Variants in GMEB2 observed in about 807,000 individuals in gnomAD.
GMEB2 encodes glucocorticoid modulatory element binding protein 2, also known as glucocorticoid modulatory element-binding protein 2.
GMEB2 carries 7 observed loss-of-function variants against 45.7 expected under a neutral mutation model. The observed-to-expected ratio is 0.15, with a 90% CI of 0.09 to 0.29. The LOEUF is 0.29. Ranked by LOEUF, GMEB2 falls within the 10% of genes least tolerant of loss-of-function variation. GMEB2 has a pLI of 1.00. For missense variants in GMEB2, 582 were observed against 739.2 expected, an observed-to-expected ratio of 0.79 and a Z score of 2.47; for synonymous variants, 322 against 323.6, an observed-to-expected ratio of 1.00 and a Z score of 0.05.
intron 4 of GMEB2, among the ~76,000 whole-genome samples, chr20:63,599,954 T>G (rs2083229765): frequency 6.6e-6 from 1 of 152,124 alleles, no homozygotes; most frequent in African/African-American, 2.4e-5. Flanking sequence ...ACAACTCGCA[T>G]CAGGAAATTA....
intron 2 of GMEB2, among the ~76,000 whole-genome samples, chr20:63,610,191 G>GT (rs1190412433): frequency 1.3e-5 from 2 of 152,238 alleles, no homozygotes; most frequent in Non-Finnish European, 2.9e-5. Context: ...ACTGTATGAT[G>GT]TGTGCACTTC....
chr20:63,605,011 G>C, intron 2 of GMEB2, 171 bp from the exon 3 acceptor site: 2 of 554,258 alleles, frequency 3.6e-6, no homozygotes, highest in South Asian at 3.8e-5. Context: ...AGCACTTTGG[G>C]AGGCTGAGGT....
chr20:63,626,683 A>AGGAGGCCGCT (rs1233130254), intron 1 of GMEB2, among the ~76,000 whole-genome samples: 2 of 150,934 alleles, frequency 1.3e-5, no homozygotes, highest in Non-Finnish European at 3.0e-5. Flanking sequence ...GGGTCCACCG[A>AGGAGGCCGCT]GGAGGCCGCT....
chr20:63,590,739 G>T lies in GMEB2; in HGVS notation c.953-10C>A. On this transcript the variant is annotated splice_polypyrimidine_tract_variant and intron_variant, in intron 9 of 9. Coordinates refer to ENST00000370077, the MANE Select transcript of GMEB2 (RefSeq NM_012384.5). ...CACTGCTGCTCCAGGGCTGCAGGGA[G>T]GTACAGATGGCATCACACAGGGGAC... 1 of 1,477,298 alleles carries T rather than the reference G, an allele frequency of 6.8e-7. No individual in the cohort carries two copies. Among genetic ancestry groups the T allele is most frequent in the Non-Finnish European group, 9.0e-7 (1 of 1,107,138 alleles). The allele number at this position is 1,477,298 out of a possible 1,614,324, so 91.5% of individuals were successfully genotyped here.
chr20:63,593,216 C>A lies in GMEB2; in HGVS notation c.620-134G>T, dbSNP rs143563749. The A allele has an allele frequency of 9.7e-4, 617 of 638,312 alleles. 3 individuals carry two copies. In the African/African-American group the frequency reaches 0.01, roughly 11 times the overall value. The allele number at this position is 638,312 out of a possible 1,614,324, so 39.5% of individuals were successfully genotyped here. ...TCACAAAACTGACAAACACAGGATA[C>A]GCACTAGTACAGCCAAAGTGTACCT... On this transcript the variant is annotated intron_variant, in intron 6 of 9. Coordinates refer to ENST00000370077, the MANE Select transcript of GMEB2 (RefSeq NM_012384.5). The surrounding 1 kb of genome is among the most constrained non-coding windows in gnomAD (Gnocchi z 4.7).
intron 1 of GMEB2, among the ~76,000 whole-genome samples, chr20:63,620,988 A>G (rs915596216): frequency 5.9e-5 from 9 of 152,214 alleles, no homozygotes; most frequent in African/African-American, 1.9e-4. Flanking sequence ...AAGTGGAAAG[A>G]AAATCTTGGT....
At chr20:63,595,137 T>C (rs2083183606) in intron 6 of GMEB2, among the ~76,000 whole-genome samples, 1 of 152,166 alleles carries the variant, frequency 6.6e-6, no homozygotes, top group African/African-American at 2.4e-5. Flanking sequence ...CGTGGAACAG[T>C]ATCTAAAGCG....
In GMEB2 at chr20:63,590,076, G is replaced by T; in HGVS notation, c.*13C>A. 6.7e-7 allele frequency: 1 copy of T among 1,496,904 alleles called. No individual in the cohort carries two copies. The allele number at this position is 1,496,904 out of a possible 1,614,324, so 92.7% of individuals were successfully genotyped here. A position where few individuals can be genotyped will look rare whatever the true frequency, so the allele number is the denominator to read the frequency against. On this transcript the variant is annotated 3_prime_UTR_variant, in exon 10 of 10. Coordinates refer to ENST00000370077, the MANE Select transcript of GMEB2 (RefSeq NM_012384.5). Reference sequence around the variant, plus strand: ...CAGCCCTGTCCGTCCCAGGGGCCTCGCCCTCCTGTCGGCTACTTCCGCTCG... The same window carrying T: ...CAGCCCTGTCCGTCCCAGGGGCCTCTCCCTCCTGTCGGCTACTTCCGCTCG...
rs140226703 is a variant in GMEB2, at chr20:63,595,943, C to T, written c.462-176G>A. Among the ~76,000 whole-genome samples, 3 of 152,354 alleles carry T rather than the reference C, an allele frequency of 2.0e-5. No homozygotes were observed. The East Asian group carries it at 5.8e-4, about 29-fold the overall frequency. ...CTTAGCGCGAGCTCGGCGTGCAGGA[C>T]CCTGCTGCTGAAGAAGCAGCCGGCC... On this transcript the variant is annotated intron_variant, in intron 5 of 9. Transcript: ENST00000370077.
At chr20:63,598,616 G>A (rs1601011281) in intron 4 of GMEB2, among the ~76,000 whole-genome samples, 3 of 152,128 alleles carry the variant, frequency 2.0e-5, no homozygotes, top group African/African-American at 4.8e-5. Flanking sequence ...CCCCCGGGCC[G>A]TGCCCAAGTC....
intron 1 of GMEB2, among the ~76,000 whole-genome samples, chr20:63,622,653 G>A (rs546678093): frequency 6.6e-6 from 1 of 152,112 alleles, no homozygotes; most frequent in Non-Finnish European, 1.5e-5. Flanking sequence ...CCAAGGTAAA[G>A]GGCCACAGGC....
intron 2 of GMEB2, among the ~76,000 whole-genome samples, chr20:63,613,133 A>T (rs754181359): frequency 2.0e-5 from 3 of 152,150 alleles, no homozygotes; most frequent in Non-Finnish European, 2.9e-5. Context: ...TTTCTTAAAC[A>T]GCAAAAGAAA....
chr20:63,595,849 C>T, intron 5 of GMEB2, 82 bp from the exon 6 acceptor site: 1 of 1,307,610 alleles, frequency 7.6e-7, no homozygotes, highest in Non-Finnish European at 1.1e-6. Flanking sequence ...CCTGGGCCAT[C>T]CACCTGCGTG....
intron 2 of GMEB2, among the ~76,000 whole-genome samples, chr20:63,617,620 C>T (rs975170243): frequency 1.3e-5 from 2 of 151,834 alleles, no homozygotes; most frequent in African/African-American, 2.4e-5. Flanking sequence ...AGTCACGGCT[C>T]GGGTGAGGTG....
intron 2 of GMEB2, among the ~76,000 whole-genome samples, chr20:63,617,544 G>C (rs968567761): frequency 6.6e-6 from 1 of 152,080 alleles, no homozygotes; most frequent in African/African-American, 2.4e-5. Flanking sequence ...GAAAGGCCTA[G>C]AGCTCAGGAT....
chr20:63,600,866 C>A (rs186769745), intron 4 of GMEB2, among the ~76,000 whole-genome samples: 54 of 152,182 alleles, frequency 3.5e-4, no homozygotes, highest in African/African-American at 1.3e-3. Flanking sequence ...TAGAGTCAGG[C>A]TATGAACTGT....
At chr20:63,616,948 C>G (rs1317188266) in intron 2 of GMEB2, among the ~76,000 whole-genome samples, 1 of 151,810 alleles carries the variant, frequency 6.6e-6, no homozygotes, top group Non-Finnish European at 1.5e-5. Flanking sequence ...TAAGTTGGCC[C>G]TCATCCAGTA....
At chr20:63,621,696 A>C (rs2089643459) in intron 1 of GMEB2, among the ~76,000 whole-genome samples, 1 of 147,498 alleles carries the variant, frequency 6.8e-6, no homozygotes, top group African/African-American at 2.5e-5. Flanking sequence ...AAAAAAAAAA[A>C]AGTTTAAAAT....
rs751206810 is a variant in GMEB2 at position 63,593,275 on chromosome 20, C to T, written c.620-193G>A. Among the ~76,000 whole-genome samples, 1 of 152,164 alleles carries T rather than the reference C, an allele frequency of 6.6e-6. No homozygotes were observed. Among genetic ancestry groups the T allele is most frequent in the Non-Finnish European group, 1.5e-5 (1 of 68,036 alleles). ...TTTTATGGCTATTTTTAATCACAGA[C>T]GTTGTCAAACATACAAAGGAGAAAC... On this transcript the variant is annotated intron_variant, in intron 6 of 9. Transcript: ENST00000370077. The surrounding 1 kb of genome is among the most constrained non-coding windows in gnomAD (Gnocchi z 4.7).
Sources: gnomAD v4.1 joint callset for allele counts (sites outside exome capture counted in the v4.1 genomes callset) on GRCh38, gnomAD v4.1.1 for gene constraint, Gnocchi (gnomAD v3.1) non-coding constraint, MANE v1.5 for transcripts, NCBI Gene and HGNC (gene_info 2026-07-23, HGNC 2026-07-21) for gene names.